Variants in USP25 observed in about 807,000 individuals in gnomAD.
USP25 encodes ubiquitin specific peptidase 25, also known as ubiquitin carboxyl-terminal hydrolase 25.
USP25 carries 85 observed loss-of-function variants against 158.5 expected under a neutral mutation model. The observed-to-expected ratio is 0.54, with a 90% CI of 0.45 to 0.64. The LOEUF (loss-of-function observed/expected upper bound fraction) is 0.64, where lower values mean the gene tolerates loss of function less well. USP25 is among the 30% of genes least tolerant of loss of function. The probability of loss-of-function intolerance (pLI) is 0.00; values close to 1 mark genes in which losing one functional copy is unlikely to be tolerated. For synonymous variants in USP25, 464 were observed against 460.4 expected (o/e 1.01, Z -0.10); for missense variants, 1,242 against 1,327.3 (o/e 0.94, Z 1.00).
At chr21:15,771,459 T>G (rs900138115) in intron 3 of USP25, among the ~76,000 whole-genome samples, 17 of 152,142 alleles carry the variant, frequency 1.1e-4, no homozygotes, top group African/African-American at 4.1e-4. Context: ...CATGAACTTT[T>G]GGCTCTCTGA....
chr21:15,814,531 A>C (rs2036837529), intron 9 of USP25, among the ~76,000 whole-genome samples: 3 of 152,166 alleles, frequency 2.0e-5, no homozygotes, highest in African/African-American at 7.2e-5. Context: ...AGTGATATGA[A>C]CAATAAGGTC....
intron 11 of USP25, 51 bp downstream of exon 11, chr21:15,824,217 G>C (rs1050020672): frequency 3.1e-6 from 5 of 1,587,684 alleles, no homozygotes; most frequent in Non-Finnish European, 4.3e-6. Flanking sequence ...TAGTAAGGGA[G>C]AAAATATTGT....
chr21:15,745,192 C>G (rs181177685), intron 1 of USP25: 5 of 152,198 alleles, frequency 3.3e-5, no homozygotes, highest in African/African-American at 1.2e-4. Context: ...CCCAGGGCCT[C>G]TGTCTTTTCC....
At chr21:15,783,793 T>TAA (rs34055394) in intron 4 of USP25, among the ~76,000 whole-genome samples, 3 of 122,206 alleles carry the variant, frequency 2.5e-5, no homozygotes, top group African/African-American at 5.8e-5. Flanking sequence ...CCGTCTGTAC[T>TAA]AAAAAAAAAA....
chr21:15,828,316 G>C (rs957919372), intron 14 of USP25, among the ~76,000 whole-genome samples: 1 of 152,086 alleles, frequency 6.6e-6, no homozygotes, highest in Non-Finnish European at 1.5e-5. Context: ...TTAGGCGTTG[G>C]GTAATTTTCT....
chr21:15,863,729 A>G (rs1350980384), intron 20 of USP25, among the ~76,000 whole-genome samples: 1 of 152,214 alleles, frequency 6.6e-6, no homozygotes, highest in Non-Finnish European at 1.5e-5. Context: ...ACGTTTATAT[A>G]GTGAAGGGAT....
chr21:15,737,049 C>T (rs887202224), intron 1 of USP25, among the ~76,000 whole-genome samples: 3 of 151,682 alleles, frequency 2.0e-5, no homozygotes, highest in Admixed American at 1.3e-4. Flanking sequence ...TAGGATTTTT[C>T]GTCTGAAATC....
intron 1 of USP25, among the ~76,000 whole-genome samples, chr21:15,747,847 A>G (rs955511172): frequency 2.0e-5 from 3 of 152,246 alleles, no homozygotes; most frequent in African/African-American, 7.2e-5. Context: ...TGAAACTTCA[A>G]AAAGTGAAAC....
At chr21:15,738,721 C>T (rs1169247073) in intron 1 of USP25, among the ~76,000 whole-genome samples, 1 of 151,980 alleles carries the variant, frequency 6.6e-6, no homozygotes, top group Non-Finnish European at 1.5e-5. Flanking sequence ...CAATTTCTGC[C>T]CTCAAAGAAA....
intron 4 of USP25, among the ~76,000 whole-genome samples, chr21:15,783,312 A>G (rs188715519): frequency 1.3e-5 from 2 of 152,306 alleles, no homozygotes; most frequent in East Asian, 3.9e-4. Flanking sequence ...AGAAAGAATA[A>G]GTGAAGAGAG....
At chr21:15,810,355 A>T (rs2036597937) in intron 8 of USP25, among the ~76,000 whole-genome samples, 1 of 152,194 alleles carries the variant, frequency 6.6e-6, no homozygotes, top group African/African-American at 2.4e-5. Context: ...AATACTTCAC[A>T]AATCAATTAA....
At chr21:15,856,954 A>G (rs951020265) in intron 20 of USP25, among the ~76,000 whole-genome samples, 1 of 152,204 alleles carries the variant, frequency 6.6e-6, no homozygotes, top group Admixed American at 6.5e-5. Flanking sequence ...GAAAGTTAAT[A>G]CATTTCCACC....
rs558779280 is a variant in USP25, at chr21:15,735,601, TTAAGA to T, written c.45+5168_45+5172del. Among the ~76,000 whole-genome samples the T allele has an allele frequency of 4.6e-3, 695 of 152,326 alleles. 2 individuals carry two copies. Among genetic ancestry groups the T allele is most frequent in the Non-Finnish European group, 7.6e-3 (519 of 68,024 alleles). ...AGGTTTGGTGTGCCCATGAGGGCTATTAAGATAAGGTTAGCTCATAAAATGATTAG... is the reference window on the plus strand; with the variant it reads ...AGGTTTGGTGTGCCCATGAGGGCTATTAAGGTTAGCTCATAAAATGATTAG... On this transcript the variant is annotated intron_variant, in intron 1 of 25. Transcript: ENST00000400183.
chr21:15,733,158 A>G (rs2031134072), intron 1 of USP25, among the ~76,000 whole-genome samples: 1 of 69,902 alleles, frequency 1.4e-5, no homozygotes, highest in Non-Finnish European at 2.5e-5. Flanking sequence ...CAATCTATCT[A>G]ACCCGATGAA....
At chr21:15,847,385 C>T (rs1159119835) in intron 18 of USP25, among the ~76,000 whole-genome samples, 1 of 152,116 alleles carries the variant, frequency 6.6e-6, no homozygotes, top group East Asian at 1.9e-4. Context: ...AAAGGGAAAA[C>T]TGCAGATTTT....
chr21:15,745,767 C>T (rs552697685), intron 1 of USP25, among the ~76,000 whole-genome samples: 12 of 152,300 alleles, frequency 7.9e-5, no homozygotes, highest in East Asian at 5.8e-4. Context: ...TGAGCCACCA[C>T]GCCCGGCTGC....
intron 1 of USP25, among the ~76,000 whole-genome samples, chr21:15,749,085 G>A (rs1043231668): frequency 6.6e-6 from 1 of 151,836 alleles, no homozygotes; most frequent in Non-Finnish European, 1.5e-5. Flanking sequence ...AACTGAACAG[G>A]TTGTGTGATT....
chr21:15,870,990 G>A (rs953533477), intron 23 of USP25, among the ~76,000 whole-genome samples: 23 of 152,170 alleles, frequency 1.5e-4, no homozygotes, highest in African/African-American at 4.8e-4. Flanking sequence ...CACCGGCCAC[G>A]TTTCAGTAGT....
intron 17 of USP25, among the ~76,000 whole-genome samples, chr21:15,836,490 G>T (rs1023446891): frequency 2.0e-4 from 30 of 152,072 alleles, no homozygotes; most frequent in Middle Eastern, 3.4e-3. Flanking sequence ...TTTTCAGCCA[G>T]CCATTCTTTG....
Sources: allele counts gnomAD v4.1 joint callset (sites outside exome capture counted in the v4.1 genomes callset), GRCh38; gene constraint gnomAD v4.1.1; transcripts MANE v1.5; gene names NCBI Gene and HGNC (gene_info 2026-07-23, HGNC 2026-07-21).